NKAPD1: variants seen among roughly 807,000 people sequenced by gnomAD.
The protein encoded by NKAPD1 is NKAP domain containing 1, also known as uncharacterized protein NKAPD1.
In NKAPD1, 12 loss-of-function variants were observed where a neutral mutation model predicts 30.9. The ratio of observed to expected loss-of-function variants is 0.39; its 90% CI spans 0.25 to 0.63. The LOEUF (loss-of-function observed/expected upper bound fraction) is 0.63. NKAPD1 is among the 20% of genes least tolerant of loss of function. NKAPD1 has a pLI of 0.51. For missense variants in NKAPD1, 311 were observed against 344.5 expected (o/e 0.90, Z 0.77); for synonymous variants, 91 against 113.6 (o/e 0.80, Z 1.26).
chr11:112,076,830 G>A (rs1865339912), intron 2 of NKAPD1, among the ~76,000 whole-genome samples: 2 of 152,300 alleles, frequency 1.3e-5, no homozygotes, highest in South Asian at 4.1e-4. Context: ...GGTAGATGAT[G>A]ACAATTCTGT....
In NKAPD1 at chr11:112,082,983, CTT is replaced by C. The variant is rs755604045; in HGVS notation, c.*14_*15del. On this transcript the variant is annotated 3_prime_UTR_variant, in exon 6 of 6. Transcript: ENST00000393047. ...TCAGAGGATGACTAAATGGGAAACA[CTT>C]TTGTTTTCCACATGACTGTGGATAT... 7.5e-5 allele frequency: 118 copies of C among 1,577,694 alleles called. 1 individual carries two copies. Among genetic ancestry groups the C allele is most frequent in the South Asian group, 4.4e-4 (37 of 84,764 alleles).
rs1223139063 is a variant in NKAPD1, at chr11:112,083,821, T to G, written c.*849T>G. 2.0e-5 allele frequency: 3 copies of G among 152,594 alleles called. No homozygotes were observed. In the East Asian group the frequency reaches 5.8e-4, roughly 29 times the overall value. 9.5% of individuals were successfully genotyped at this position (152,594 alleles called of 1,614,324 possible). ...GCCATTTAAATGTTGTCTTGTTCAT[T>G]TCTAAATCTGTTCATGAAGTTTAGG... On this transcript the variant is annotated 3_prime_UTR_variant, in exon 6 of 6. Coordinates refer to ENST00000393047, the MANE Select transcript of NKAPD1 (RefSeq NM_018195.4).
intron 5 of NKAPD1, 155 bp from the exon 6 acceptor site, chr11:112,082,310 A>C: frequency 1.3e-6 from 1 of 763,468 alleles, no homozygotes; most frequent in Admixed American, 3.5e-5. Flanking sequence ...AGGAAACAAA[A>C]ACTCAATGAG....
chr11:112,083,108 G>T lies in NKAPD1; in HGVS notation c.*136G>T. On this transcript the variant is annotated 3_prime_UTR_variant, in exon 6 of 6. Coordinates refer to ENST00000393047, the MANE Select transcript of NKAPD1 (RefSeq NM_018195.4). ...GTGCCATCTGTATGTTCTGACAGAC[G>T]TCTTGTCTTCTATTTTGGCGTTAAG... The T allele has an allele frequency of 1.2e-6, 1 of 842,700 alleles. No individual in the cohort carries two copies. Among genetic ancestry groups the T allele is most frequent in the South Asian group, 3.1e-5 (1 of 32,686 alleles). 52.2% of individuals were successfully genotyped at this position (842,700 alleles called of 1,614,324 possible).
chr11:112,077,093 C>G (rs1235304847), intron 2 of NKAPD1, among the ~76,000 whole-genome samples: 2 of 152,206 alleles, frequency 1.3e-5, no homozygotes, highest in Non-Finnish European at 2.9e-5. Context: ...GCCAAGGCCC[C>G]TGGTTTAGTT....
At position 112,083,264 on chromosome 11, in the gene NKAPD1, A is replaced by T. The variant is rs1268585387; in HGVS notation, c.*292A>T. On this transcript the variant is annotated 3_prime_UTR_variant, in exon 6 of 6. Transcript: ENST00000393047. Reference sequence around the variant, plus strand: ...ATACAGCAAATTAAAGGACCCAGAAAGCTGGATCCAATAGTGACCTGGGTA... The same window carrying T: ...ATACAGCAAATTAAAGGACCCAGAATGCTGGATCCAATAGTGACCTGGGTA... 2 of 225,278 alleles carry T rather than the reference A, an allele frequency of 8.9e-6. No individual in the cohort carries two copies. Among genetic ancestry groups the T allele is most frequent in the African/African-American group, 4.6e-5 (2 of 43,928 alleles). The allele number at this position is 225,278 out of a possible 1,614,324, so 14.0% of individuals were successfully genotyped here.
rs200897426 is a variant in NKAPD1, at chr11:112,075,582, G to A, written c.8G>A (p.Arg3Gln). Residue 3 changes from arginine (R) to glutamine (Q), a missense_variant, in exon 2 of 6, where the codon CGG becomes CAG. By Grantham distance (43) the Arg-to-Gln change is conservative. Coordinates refer to ENST00000393047, the MANE Select transcript of NKAPD1 (RefSeq NM_018195.4). ...TTCATTTCAGATTGAAGAATGTCCC[G>A]GATTCCACTGGGGAAGGTCCTCCTG... MSRIPLGKVLLRN... is the reference protein window; with the variant it reads MSQIPLGKVLLRN... The A allele has an allele frequency of 4.1e-4, 661 of 1,606,844 alleles. No individual in the cohort carries two copies. Among genetic ancestry groups the A allele is most frequent in the Non-Finnish European group, 5.5e-4 (645 of 1,177,564 alleles).
Position 112,074,695 on chromosome 11 carries a change from A to T in NKAPD1, c.-230A>T, listed in dbSNP as rs1170476138. 2.6e-6 allele frequency: 1 copy of T among 391,414 alleles called. No individual in the cohort carries two copies. The highest frequency in any genetic ancestry group is 3.6e-5 in the East Asian group (1 of 27,662). The allele number at this position is 391,414 out of a possible 1,614,324, so 24.2% of individuals were successfully genotyped here. A position where few individuals can be genotyped will look rare whatever the true frequency, so the allele number is the denominator to read the frequency against. On this transcript the variant is annotated 5_prime_UTR_variant, in exon 1 of 6. Coordinates refer to ENST00000393047, the MANE Select transcript of NKAPD1 (RefSeq NM_018195.4). ...CCTCCGGCCTCAGTCCGGGAGAGAG[A>T]TCTGCCTGTCGGTCTGGGCTGGGGG...
intron 3 of NKAPD1, among the ~76,000 whole-genome samples, chr11:112,079,026 G>C (rs1334423505): frequency 6.6e-6 from 1 of 152,096 alleles, no homozygotes; most frequent in Non-Finnish European, 1.5e-5. Context: ...GTAAGTGTAA[G>C]AGCTACATAT....
chr11:112,080,324 T>C (rs1865420498), intron 3 of NKAPD1, 85 bp from the exon 4 acceptor site: 1 of 1,378,424 alleles, frequency 7.3e-7, no homozygotes, highest in South Asian at 1.2e-5. Context: ...CCTCAGCTTG[T>C]TCCATGAGTT....
chr11:112,082,939 T>C lies in NKAPD1; in HGVS notation c.849T>C (p.Asp283=). Reference sequence around the variant, plus strand: ...GCACAAATTGGAAAGTAGCTACAGATGAAAGGTCTGCTGAGAGCTCAGAGG... The same window carrying C: ...GCACAAATTGGAAAGTAGCTACAGACGAAAGGTCTGCTGAGAGCTCAGAGG... ...NKRTNWKVAT[D]ERSAESSEDD is the part of the protein sequence containing the mutation. The change falls in exon 6 of 6, where the codon GAT becomes GAC. Residue 283 remains aspartate, a synonymous_variant. Transcript: ENST00000393047. 1 of 1,605,572 alleles carries C rather than the reference T, an allele frequency of 6.2e-7. No individual in the cohort carries two copies. Among genetic ancestry groups the C allele is most frequent in the Non-Finnish European group, 8.5e-7 (1 of 1,178,050 alleles).
chr11:112,082,372 T>C (rs1320375169), intron 5 of NKAPD1, 93 bp from the exon 6 acceptor site: 4 of 1,124,944 alleles, frequency 3.6e-6, no homozygotes, highest in Admixed American at 6.7e-5. Context: ...AATTCAGATG[T>C]TAACCTCAAT....
At chr11:112,082,111 C>A in intron 5 of NKAPD1, 76 bp downstream of exon 5, 2 of 1,245,798 alleles carry the variant, frequency 1.6e-6, no homozygotes, top group South Asian at 1.3e-5. Flanking sequence ...TTAACTTTTA[C>A]GAAGAATATA....
In NKAPD1 at chr11:112,082,909, C is replaced by T; in HGVS notation, c.819C>T (p.Asn273=). 6.2e-7 allele frequency: 1 copy of T among 1,608,576 alleles called. No individual in the cohort carries two copies. The highest frequency in any genetic ancestry group is 8.5e-7 in the Non-Finnish European group (1 of 1,178,754). Residue 273 remains asparagine (N), a synonymous_variant, in exon 6 of 6, where the codon AAC becomes AAT. Coordinates refer to ENST00000393047, the MANE Select transcript of NKAPD1 (RefSeq NM_018195.4). ...ACAATGAAATACAGGAGAGGACAAA[C>T]AAACGCACAAATTGGAAAGTAGCTA... The part of the protein sequence containing the change: ...VANNEIQERT[N]KRTNWKVATD...
intron 1 of NKAPD1, 85 bp from the exon 2 acceptor site, chr11:112,075,482 C>T: frequency 2.0e-6 from 2 of 981,864 alleles, no homozygotes; most frequent in African/African-American, 1.6e-5. Flanking sequence ...TTTCCTGTAC[C>T]TCATATGCTT....
rs372455783 is a variant in NKAPD1, at chr11:112,080,476, T to G, written c.238T>G (p.Ser80Ala). The part of the protein sequence containing the change: ...RYYWRPKNEI[S>A]GTLEDDFLKA... Reference sequence around the variant, plus strand: ...CTATTGGAGGCCAAAGAATGAAATTTCTGGGACACTGGAAGATGATTTTCT... The same window carrying G: ...CTATTGGAGGCCAAAGAATGAAATTGCTGGGACACTGGAAGATGATTTTCT... Residue 80 changes from serine to alanine, a missense_variant, in exon 4 of 6, where the codon TCT becomes GCT. By Grantham distance (99) the Ser-to-Ala change is moderately conservative. Transcript: ENST00000393047. 8.1e-6 allele frequency: 13 copies of G among 1,613,982 alleles called. No homozygotes were observed. Among genetic ancestry groups the G allele is most frequent in the Non-Finnish European group, 9.3e-6 (11 of 1,180,010 alleles).
chr11:112,076,873 T>A lies in NKAPD1; in HGVS notation c.69+1230T>A, dbSNP rs77236557. 8.9e-4 allele frequency among the ~76,000 whole-genome samples: 136 copies of A among 152,284 alleles called. 1 individual carries two copies. The highest frequency in any genetic ancestry group is 6.8e-3 in the Middle Eastern group (2 of 292). On this transcript the variant is annotated intron_variant, in intron 2 of 5. Transcript: ENST00000393047. ...GATAAAGAACAAAAAATGGGACAAT[T>A]ATGATAGGAAAGGTAATTAGTTTGG...
chr11:112,074,536 A>C lies in NKAPD1; in HGVS notation c.-389A>C, dbSNP rs1036038042. 6 of 398,924 alleles carry C rather than the reference A, an allele frequency of 1.5e-5. No individual in the cohort carries two copies. The highest frequency in any genetic ancestry group is 2.7e-5 in the Non-Finnish European group (6 of 226,146). The allele number at this position is 398,924 out of a possible 1,614,324, so 24.7% of individuals were successfully genotyped here. A position where few individuals can be genotyped will look rare whatever the true frequency, so the allele number is the denominator to read the frequency against. On this transcript the variant is annotated 5_prime_UTR_variant, in exon 1 of 6. Transcript: ENST00000393047. Reference sequence around the variant, plus strand: ...CTCCCTAGATACTTTCTGGGGCCCAACCGAAGGCCGTAGCCATCCAAAGCG... The same window carrying C: ...CTCCCTAGATACTTTCTGGGGCCCACCCGAAGGCCGTAGCCATCCAAAGCG...
chr11:112,078,401 G>C, intron 3 of NKAPD1, 86 bp downstream of exon 3: 2 of 1,088,694 alleles, frequency 1.8e-6, no homozygotes, highest in Non-Finnish European at 2.7e-6. Context: ...GGTATATTAA[G>C]GATAAATTCA....
Sources: gnomAD v4.1 joint callset for allele counts (sites outside exome capture counted in the v4.1 genomes callset) on GRCh38, gnomAD v4.1.1 for gene constraint, MANE v1.5 for transcripts, NCBI Gene and HGNC (gene_info 2026-07-23, HGNC 2026-07-21) for gene names.